TAFA1: variants seen among roughly 807,000 people sequenced by gnomAD.
TAFA1 encodes the protein chemokine-like protein TAFA-1.
In TAFA1, 4 loss-of-function variants were observed where a neutral mutation model predicts 18.5. The observed-to-expected ratio is 0.22, with a 90% CI of 0.11 to 0.49. The LOEUF is 0.49. Among genes scored for constraint, TAFA1 ranks in the 20% least tolerant of loss-of-function variants. The pLI is 0.98. For synonymous variants in TAFA1, 56 were observed against 55.2 expected (o/e 1.01, Z -0.06); for missense variants, 147 against 169.0 (o/e 0.87, Z 0.72).
intron 2 of TAFA1, among the ~76,000 whole-genome samples, chr3:68,344,033 G>A (rs2069127193): frequency 6.6e-6 from 1 of 152,130 alleles, no homozygotes; most frequent in Admixed American, 6.6e-5. Flanking sequence ...AGTAGAGACA[G>A]GGTTTCTCCA....
intron 2 of TAFA1, among the ~76,000 whole-genome samples, chr3:68,360,396 G>A (rs749851232): frequency 5.3e-5 from 8 of 151,922 alleles, no homozygotes; most frequent in Non-Finnish European, 1.2e-4. Context: ...ATACATTGTG[G>A]TATTCCAGTA....
At chr3:68,056,149 A>G (rs146984151) in intron 2 of TAFA1, among the ~76,000 whole-genome samples, 1 of 152,148 alleles carries the variant, frequency 6.6e-6, no homozygotes, top group African/African-American at 2.4e-5. Context: ...ATTCAATCTT[A>G]GGTAAGAGTC....
chr3:68,326,709 C>T (rs1236839920), intron 2 of TAFA1, among the ~76,000 whole-genome samples: 2 of 151,980 alleles, frequency 1.3e-5, no homozygotes, highest in African/African-American at 4.8e-5. Context: ...TTTGAAAAGC[C>T]CTTATTATCA....
At chr3:67,993,244 C>T in the TAFA1 span, among the ~76,000 whole-genome samples, 5 of 152,328 alleles carry the variant, frequency 3.3e-5, no homozygotes, top group Admixed American at 1.3e-4. Flanking sequence ...CAAACAAAAG[C>T]GTTAGCTTGT....
chr3:68,071,515 G>A (rs994128874), intron 2 of TAFA1, among the ~76,000 whole-genome samples: 2 of 152,170 alleles, frequency 1.3e-5, no homozygotes, highest in African/African-American at 4.8e-5. Flanking sequence ...AATCAGGGAA[G>A]GCTCACTGGA....
intron 3 of TAFA1, among the ~76,000 whole-genome samples, chr3:68,531,572 C>G (rs1430513698): frequency 2.6e-5 from 4 of 152,050 alleles, no homozygotes; most frequent in Admixed American, 2.6e-4. Context: ...GGCATTTTTC[C>G]CTTATCAGTT....
At chr3:68,471,982 C>G (rs745633797) in intron 3 of TAFA1, among the ~76,000 whole-genome samples, 8 of 152,136 alleles carry the variant, frequency 5.3e-5, no homozygotes. Context: ...AGACTTTGCA[C>G]TGTGGGCTTT....
At chr3:68,187,307 G>A (rs1254871511) in intron 2 of TAFA1, among the ~76,000 whole-genome samples, 2 of 151,870 alleles carry the variant, frequency 1.3e-5, no homozygotes, top group Non-Finnish European at 2.9e-5. Context: ...TTATCACAAA[G>A]TGAACATAAA....
chr3:68,440,443 T>G lies in TAFA1; in HGVS notation c.259+23023T>G, dbSNP rs187865533. Among the ~76,000 whole-genome samples, 296 of 152,330 alleles carry G rather than the reference T, an allele frequency of 1.9e-3. 2 individuals carry two copies. The highest frequency in any genetic ancestry group is 6.8e-3 in the African/African-American group (281 of 41,578). On this transcript the variant is annotated intron_variant, in intron 3 of 4. Transcript: ENST00000478136. Reference sequence around the variant, plus strand: ...AAAAGGAAACAAAATGAAGATTTTTTATAGCACAAGTGTATACATGCACAA... The same window carrying G: ...AAAAGGAAACAAAATGAAGATTTTTGATAGCACAAGTGTATACATGCACAA...
At chr3:68,220,590 G>T (rs7652560) in intron 2 of TAFA1, among the ~76,000 whole-genome samples, 101,741 of 151,764 alleles carry the variant, frequency 0.67, 34,418 homozygotes, top group Middle Eastern at 0.81. Context: ...CAATTTCTTC[G>T]GAAGGAGTTT....
intron 2 of TAFA1, among the ~76,000 whole-genome samples, chr3:68,227,648 G>C (rs1419060133): frequency 6.6e-6 from 1 of 152,186 alleles, no homozygotes; most frequent in East Asian, 1.9e-4. Context: ...ATAGAAGATG[G>C]AAAATATAAT....
intron 2 of TAFA1, among the ~76,000 whole-genome samples, chr3:68,325,928 C>G (rs1485750275): frequency 6.6e-6 from 1 of 152,096 alleles, no homozygotes; most frequent in African/African-American, 2.4e-5. Context: ...AACCCAGATC[C>G]CAAATTCACA....
chr3:68,110,974 G>T (rs3924309), intron 2 of TAFA1, among the ~76,000 whole-genome samples: 53,464 of 151,916 alleles, frequency 0.35, 9,828 homozygotes, highest in East Asian at 0.49. Context: ...CTTCATCACA[G>T]TAAGAGTTGT....
intron 2 of TAFA1, among the ~76,000 whole-genome samples, chr3:68,273,918 T>C (rs1377823014): frequency 6.6e-6 from 1 of 152,162 alleles, no homozygotes; most frequent in Non-Finnish European, 1.5e-5. Context: ...TGTCAACATT[T>C]TATTCTAATT....
At chr3:68,316,474 G>T (rs2106694078) in intron 2 of TAFA1, among the ~76,000 whole-genome samples, 1 of 152,268 alleles carries the variant, frequency 6.6e-6, no homozygotes, top group Admixed American at 6.5e-5. Context: ...TGTTGTTCGG[G>T]CTTTTCATAA....
intron 2 of TAFA1, among the ~76,000 whole-genome samples, chr3:68,083,053 A>G (rs982388881): frequency 2.0e-5 from 3 of 152,226 alleles, no homozygotes; most frequent in Non-Finnish European, 4.4e-5. Context: ...ATTAATGAAG[A>G]TCACAGCCTT....
At position 68,493,811 on chromosome 3, in the gene TAFA1, TG is replaced by T. The variant is rs2072496039; in HGVS notation, c.260-44944del. 9.2e-5 allele frequency among the ~76,000 whole-genome samples: 14 copies of T among 152,242 alleles called. 1 individual carries two copies. The highest frequency in any genetic ancestry group is 6.5e-4 in the Admixed American group (10 of 15,286). ...ATGAAACATTACTTTTATAAGTTTA[TG>T]ACGTTTTCCTGCCCCATTCCCTGGA... On this transcript the variant is annotated intron_variant, in intron 3 of 4. Transcript: ENST00000478136.
intron 2 of TAFA1, among the ~76,000 whole-genome samples, chr3:68,027,087 T>C (rs778371894): frequency 6.6e-6 from 1 of 151,812 alleles, no homozygotes; most frequent in Non-Finnish European, 1.5e-5. Context: ...GCAGGGATGG[T>C]ATTAAACCAC....
intron 3 of TAFA1, among the ~76,000 whole-genome samples, chr3:68,491,649 C>A (rs1045944505): frequency 1.3e-5 from 2 of 151,410 alleles, no homozygotes; most frequent in African/African-American, 2.4e-5. Flanking sequence ...ATGTAACTAA[C>A]CTGCACATTG....
Sources: gnomAD v4.1 joint callset for allele counts (sites outside exome capture counted in the v4.1 genomes callset) on GRCh38, gnomAD v4.1.1 for gene constraint, MANE v1.5 for transcripts, NCBI Gene and HGNC (gene_info 2026-07-23, HGNC 2026-07-21) for gene names.